Variants in TBK1 observed in about 807,000 individuals in gnomAD.
TBK1 encodes serine/threonine-protein kinase TBK1.
In TBK1, 37 loss-of-function variants were observed where a neutral mutation model predicts 99.9. That is an observed-to-expected ratio of 0.37 (90% CI 0.28 to 0.49). The LOEUF (loss-of-function observed/expected upper bound fraction) is 0.49, where lower values mean the gene tolerates loss of function less well. Ranked by LOEUF, TBK1 falls within the 20% of genes least tolerant of loss-of-function variation. The pLI, the probability that TBK1 is intolerant of heterozygous loss-of-function variation, is 0.98. For missense variants in TBK1, 644 were observed against 872.5 expected (o/e 0.74, Z 3.30); for synonymous variants, 258 against 279.8 (o/e 0.92, Z 0.78).
chr12:64,466,126 G>A (rs1354872880), intron 4 of TBK1, among the ~76,000 whole-genome samples: 1 of 152,118 alleles, frequency 6.6e-6, no homozygotes, highest in Non-Finnish European at 1.5e-5. Flanking sequence ...GTATGCTACA[G>A]CCTGTTTAAT....
intron 2 of TBK1, among the ~76,000 whole-genome samples, chr12:64,457,581 A>G (rs750131735): frequency 1.2e-4 from 18 of 152,356 alleles, no homozygotes; most frequent in African/African-American, 2.6e-4. Flanking sequence ...TATACTGCAC[A>G]TTAACTGGAC....
At chr12:64,491,391 C>T (rs1386688134) in intron 13 of TBK1, among the ~76,000 whole-genome samples, 2 of 152,070 alleles carry the variant, frequency 1.3e-5, no homozygotes, top group East Asian at 3.9e-4. Context: ...GAGGCTGAGT[C>T]GGATGGATCA....
At chr12:64,498,185 T>A in intron 20 of TBK1, 146 bp downstream of exon 20, 1 of 637,630 alleles carries the variant, frequency 1.6e-6, no homozygotes, top group Non-Finnish European at 2.7e-6. Context: ...TGATTGTGTA[T>A]CTGTGATGCC....
intron 13 of TBK1, among the ~76,000 whole-genome samples, chr12:64,493,268 A>C (rs1222122646): frequency 2.0e-5 from 3 of 152,078 alleles, no homozygotes; most frequent in Admixed American, 6.6e-5. Context: ...TACCACATAT[A>C]TTATGCACCC....
intron 12 of TBK1, among the ~76,000 whole-genome samples, 174 bp downstream of exon 12, chr12:64,488,762 G>A (rs1314655963): frequency 6.6e-6 from 1 of 152,210 alleles, no homozygotes; most frequent in Non-Finnish European, 1.5e-5. Flanking sequence ...GGGAAGCCAA[G>A]GCAGGTGGAT....
At chr12:64,489,068 T>G (rs555933732) in intron 12 of TBK1, among the ~76,000 whole-genome samples, 5 of 152,214 alleles carry the variant, frequency 3.3e-5, no homozygotes, top group Non-Finnish European at 1.5e-5. Context: ...GCCAGTTTTC[T>G]TGGTAAGAAG....
At chr12:64,489,940 A>T in intron 12 of TBK1, 101 bp from the exon 13 acceptor site, 1 of 734,970 alleles carries the variant, frequency 1.4e-6, no homozygotes, top group Non-Finnish European at 2.0e-6. Context: ...TTTATTTTTA[A>T]ATGGTTATGA....
chr12:64,491,334 C>G (rs1369220471), intron 13 of TBK1, among the ~76,000 whole-genome samples: 1 of 151,912 alleles, frequency 6.6e-6, no homozygotes, highest in Non-Finnish European at 1.5e-5. Context: ...AAATACTGTA[C>G]TCTTGGCTGG....
intron 6 of TBK1, among the ~76,000 whole-genome samples, chr12:64,475,803 G>A (rs569453861): frequency 2.6e-5 from 4 of 152,254 alleles, no homozygotes; most frequent in African/African-American, 7.2e-5. Flanking sequence ...GTTTGCTATC[G>A]TGAATACTGC....
intron 4 of TBK1, among the ~76,000 whole-genome samples, chr12:64,465,296 C>T (rs1041709746): frequency 2.7e-4 from 38 of 139,780 alleles, no homozygotes; most frequent in Non-Finnish European, 3.1e-5. Context: ...AGAATTGGAA[C>T]CCTGATACAT....
intron 20 of TBK1, among the ~76,000 whole-genome samples, chr12:64,499,178 G>A (rs1288100639): frequency 2.0e-5 from 3 of 149,976 alleles, no homozygotes; most frequent in Admixed American, 6.7e-5. Flanking sequence ...TGAGTAGCTG[G>A]GATTACAGGC....
chr12:64,458,917 G>C (rs56326550), intron 2 of TBK1, among the ~76,000 whole-genome samples: 15,270 of 152,164 alleles, frequency 0.1, 892 homozygotes, highest in Middle Eastern at 0.21. Flanking sequence ...TTGGCTCTTT[G>C]ATCTTTCATC....
intron 13 of TBK1, among the ~76,000 whole-genome samples, chr12:64,492,662 G>T (rs904817276): frequency 1.3e-5 from 2 of 152,068 alleles, no homozygotes; most frequent in African/African-American, 4.8e-5. Context: ...AGGTAATGGA[G>T]TCTTATGACA....
intron 2 of TBK1, 27 bp from the exon 3 acceptor site, chr12:64,460,162 T>G: frequency 7.1e-7 from 1 of 1,401,908 alleles, no homozygotes; most frequent in South Asian, 1.5e-5. Flanking sequence ...TATGAATAAA[T>G]AAAACATTTC....
chr12:64,501,203 A>G (rs1024546632), intron 20 of TBK1, 127 bp from the exon 21 acceptor site: 8 of 833,512 alleles, frequency 9.6e-6, no homozygotes, highest in South Asian at 1.7e-5. Flanking sequence ...AGAACAAATC[A>G]TAGTTACTTA....
At chr12:64,469,420 C>T (rs575625628) in intron 5 of TBK1, among the ~76,000 whole-genome samples, 1 of 152,190 alleles carries the variant, frequency 6.6e-6, no homozygotes, top group South Asian at 2.1e-4. Flanking sequence ...TGCTATTATC[C>T]TTTTGTCTCT....
rs745520369 is a variant in TBK1 at position 64,497,217 on chromosome 12, T to C, written c.1917T>C (p.Asp639=). 12 of 1,598,302 alleles carry C rather than the reference T, an allele frequency of 7.5e-6. No homozygotes were observed. The highest frequency in any genetic ancestry group is 3.4e-5 in the South Asian group (3 of 88,738). ...TATCGCTGACTAATCAGTGTTTTGA[T>C]ATTGAAGAAGAAGTATCAAAATATC... ...QLLSLTNQCF[D]IEEEVSKYQE... is the part of the protein sequence containing the mutation. The change falls in exon 18 of 21, where the codon GAT becomes GAC. Residue 639 remains aspartate, a synonymous_variant. Coordinates refer to ENST00000331710, the MANE Select transcript of TBK1 (RefSeq NM_013254.4).
At chr12:64,457,738 T>G (rs965592079) in intron 2 of TBK1, among the ~76,000 whole-genome samples, 1 of 152,218 alleles carries the variant, frequency 6.6e-6, no homozygotes, top group Admixed American at 6.5e-5. Context: ...CCTGCTCCTC[T>G]TTCCTTACTT....
chr12:64,459,733 T>C (rs1490651484), intron 2 of TBK1, among the ~76,000 whole-genome samples: 1 of 152,234 alleles, frequency 6.6e-6, no homozygotes, highest in Non-Finnish European at 1.5e-5. Flanking sequence ...ACTTTGATAT[T>C]CTTAATAAAA....
Sources: gnomAD v4.1 joint callset for allele counts (sites outside exome capture counted in the v4.1 genomes callset) on GRCh38, gnomAD v4.1.1 for gene constraint, MANE v1.5 for transcripts, NCBI Gene and HGNC (gene_info 2026-07-23, HGNC 2026-07-21) for gene names.